The following NAALADL2 variants were observed in gnomAD, a reference collection of about 807,000 sequenced individuals.
The protein encoded by NAALADL2 is N-acetylated alpha-linked acidic dipeptidase like 2.
Under a neutral mutation model 87.2 loss-of-function variants are expected in NAALADL2, and 76 were observed. The observed-to-expected ratio is 0.87, with a 90% CI of 0.72 to 1.05. The LOEUF (loss-of-function observed/expected upper bound fraction) is 1.05, where lower values mean the gene tolerates loss of function less well. Ranked by LOEUF, NAALADL2 falls within the 50% of genes least tolerant of loss-of-function variation. The pLI is 0.00. For synonymous variants in NAALADL2, 354 were observed against 331.0 expected (o/e 1.07, Z -0.75); for missense variants, 1,089 against 945.8 (o/e 1.15, Z -1.99).
chr3:174,613,944 C>A (rs1720193541), intron 2 of NAALADL2, among the ~76,000 whole-genome samples: 1 of 152,156 alleles, frequency 6.6e-6, no homozygotes, highest in Non-Finnish European at 1.5e-5. Flanking sequence ...GCAGCAGGAT[C>A]CCTTTTGTCT....
At chr3:175,367,868 C>G (rs1026977194) in intron 5 of NAALADL2, among the ~76,000 whole-genome samples, 3 of 152,038 alleles carry the variant, frequency 2.0e-5, no homozygotes, top group African/African-American at 7.3e-5. Flanking sequence ...GCCTGATTGC[C>G]CTGGCCAGAA....
chr3:175,384,772 A>T (rs1768172417), intron 5 of NAALADL2, among the ~76,000 whole-genome samples: 1 of 149,610 alleles, frequency 6.7e-6, no homozygotes, highest in South Asian at 2.1e-4. Context: ...ATTTATTTTT[A>T]TTTTATTTTA....
At chr3:174,865,024 G>A (rs376373824) in intron 1 of NAALADL2, among the ~76,000 whole-genome samples, 5 of 151,970 alleles carry the variant, frequency 3.3e-5, no homozygotes, top group African/African-American at 9.7e-5. Flanking sequence ...AGTTTTATTT[G>A]ACAATGCTAT....
At chr3:174,681,910 T>A (rs1727579414) in intron 2 of NAALADL2, among the ~76,000 whole-genome samples, 1 of 152,174 alleles carries the variant, frequency 6.6e-6, no homozygotes, top group African/African-American at 2.4e-5. Flanking sequence ...TGGGGACAAC[T>A]GCCCTGAAGG....
At chr3:175,175,311 T>A (rs888092861) in intron 2 of NAALADL2, among the ~76,000 whole-genome samples, 9 of 152,038 alleles carry the variant, frequency 5.9e-5, no homozygotes, top group African/African-American at 9.7e-5. Flanking sequence ...ACGGAGTTTT[T>A]AAAAAATTCC....
chr3:175,257,987 A>G (rs2109851896), intron 4 of NAALADL2, among the ~76,000 whole-genome samples: 1 of 152,228 alleles, frequency 6.6e-6, no homozygotes. Context: ...AGAAAAAGTG[A>G]CTGGCTCAAA....
At chr3:175,442,260 ATTAGGTTTAAAAGTATCCCATC>A (rs1293224758) in intron 5 of NAALADL2, among the ~76,000 whole-genome samples, 1 of 151,410 alleles carries the variant, frequency 6.6e-6, no homozygotes, top group Non-Finnish European at 1.5e-5. Context: ...TGACTTTTCA[ATTAGGTTTAAAAGTATCCCATC>A]TTGTCACACA....
At chr3:175,511,624 G>C (rs1731168250) in intron 9 of NAALADL2, among the ~76,000 whole-genome samples, 1 of 152,122 alleles carries the variant, frequency 6.6e-6, no homozygotes, top group African/African-American at 2.4e-5. Flanking sequence ...TCTTAATACA[G>C]CCATGGCAAA....
chr3:175,304,912 T>A (rs1581338446), intron 4 of NAALADL2, among the ~76,000 whole-genome samples: 1 of 152,284 alleles, frequency 6.6e-6, no homozygotes, highest in South Asian at 2.1e-4. Flanking sequence ...TTGAACTGGT[T>A]TTTCTAATTT....
intron 3 of NAALADL2, among the ~76,000 whole-genome samples, chr3:174,835,020 G>T (rs1723164342): frequency 6.6e-6 from 1 of 151,174 alleles, no homozygotes; most frequent in Non-Finnish European, 1.5e-5. Flanking sequence ...AAAGAAATTT[G>T]GAAACTTACA....
intron 11 of NAALADL2, among the ~76,000 whole-genome samples, chr3:175,639,710 T>TA (rs963532501): frequency 2.6e-5 from 4 of 152,154 alleles, no homozygotes; most frequent in African/African-American, 9.7e-5. Flanking sequence ...TTTTTTATTT[T>TA]AAAAAAATCA....
chr3:174,728,959 A>C (rs1439463522), intron 2 of NAALADL2, among the ~76,000 whole-genome samples: 1 of 152,118 alleles, frequency 6.6e-6, no homozygotes, highest in East Asian at 1.9e-4. Context: ...CATACAGCAC[A>C]AAGCCTAGAA....
At chr3:175,100,267 T>C (rs1721908470) in intron 2 of NAALADL2, among the ~76,000 whole-genome samples, 1 of 151,844 alleles carries the variant, frequency 6.6e-6, no homozygotes, top group Non-Finnish European at 1.5e-5. Flanking sequence ...CAGAGATGAT[T>C]ATCCATTTTT....
chr3:174,787,604 T>TATATATATATATACACACAC lies in NAALADL2; in HGVS notation c.-9+49871_-9+49872insCACACACATATATATATATA, dbSNP rs1553855445. On this transcript the variant is annotated intron_variant, in intron 3 of 3. Transcript: ENST00000434257. Reference sequence around the variant, plus strand: ...ATATATATATATATATATATATATATATATATATATATATATAGTAGTGAC... The same window carrying TATATATATATATACACACAC: ...ATATATATATATATATATATATATATATATATATATATACACACACATATATATATATATATAGTAGTGAC... 2.3e-5 allele frequency among the ~76,000 whole-genome samples: 2 copies of TATATATATATATACACACAC among 87,944 alleles called. 1 individual carries two copies. The highest frequency in any genetic ancestry group is 1.0e-3 in the East Asian group (2 of 1,918). 57.7% of individuals were successfully genotyped at this position (87,944 alleles called of 152,430 possible). A position where few individuals can be genotyped will look rare whatever the true frequency, so the allele number is the denominator to read the frequency against.
intron 1 of NAALADL2, among the ~76,000 whole-genome samples, chr3:174,914,660 CATTT>C (rs761258868): frequency 1.3e-4 from 20 of 152,038 alleles, no homozygotes; most frequent in Non-Finnish European, 2.4e-4. Context: ...TAATCACAGA[CATTT>C]ATTTAGAAAG....
At chr3:174,503,530 A>C (rs920874309) in intron 1 of NAALADL2, among the ~76,000 whole-genome samples, 4 of 152,142 alleles carry the variant, frequency 2.6e-5, no homozygotes, top group Admixed American at 2.0e-4. Flanking sequence ...TCCAAACTCT[A>C]TTTTTTATGA....
At chr3:174,825,559 C>T (rs945144377) in intron 3 of NAALADL2, among the ~76,000 whole-genome samples, 20 of 152,214 alleles carry the variant, frequency 1.3e-4, no homozygotes, top group African/African-American at 4.3e-4. Flanking sequence ...GAAATACCCA[C>T]ACACATATAC....
chr3:175,467,012 C>T lies in NAALADL2; in HGVS notation c.1361C>T (p.Thr454Ile), dbSNP rs376447857. The change falls in exon 8 of 14, where the codon ACT becomes ATT. Residue 454 changes from threonine to isoleucine, a missense_variant. Transcript: ENST00000454872. ...RYIIVGSHHH[T>I]AHSYNGQEWA... is the part of the protein sequence containing the mutation. ...ATCATAGTTGGCAGCCATCATCACA[C>T]TGCACACAGTTATAATGGACAAGAA... The T allele has an allele frequency of 1.2e-6, 2 of 1,613,634 alleles. No individual in the cohort carries two copies. Among genetic ancestry groups the T allele is most frequent in the African/African-American group, 2.7e-5 (2 of 74,932 alleles).
intron 5 of NAALADL2, among the ~76,000 whole-genome samples, chr3:175,366,431 C>G (rs544489803): frequency 2.0e-4 from 31 of 151,826 alleles, no homozygotes; most frequent in South Asian, 1.7e-3. Context: ...GAGAAATCGC[C>G]ACACTGACTT....
Sources: gnomAD v4.1 joint callset for allele counts (sites outside exome capture counted in the v4.1 genomes callset) on GRCh38, gnomAD v4.1.1 for gene constraint, MANE v1.5 for transcripts, NCBI Gene and HGNC (gene_info 2026-07-23, HGNC 2026-07-21) for gene names.